Variants in LAMA1 observed in about 807,000 individuals in gnomAD.
The protein encoded by LAMA1 is laminin subunit alpha-1.
Under a neutral mutation model 348.7 loss-of-function variants are expected in LAMA1, and 219 were observed. The observed-to-expected ratio is 0.63, with a 90% CI of 0.56 to 0.70. The LOEUF (loss-of-function observed/expected upper bound fraction) is 0.70. LAMA1 is among the 30% of genes least tolerant of loss of function. The probability of loss-of-function intolerance (pLI) is 0.00; values close to 1 mark genes in which losing one functional copy is unlikely to be tolerated. For synonymous variants in LAMA1, 1,487 were observed against 1,491.0 expected, an observed-to-expected ratio of 1.00 and a Z score of 0.06; for missense variants, 3,744 against 3,888.0, an observed-to-expected ratio of 0.96 and a Z score of 0.99.
chr18:6,972,642 A>G (rs1421980218), intron 47 of LAMA1, among the ~76,000 whole-genome samples: 1 of 152,210 alleles, frequency 6.6e-6, no homozygotes, highest in Non-Finnish European at 1.5e-5. Flanking sequence ...AAAAGCAGAA[A>G]CATCTTCATC....
intron 55 of LAMA1, among the ~76,000 whole-genome samples, 170 bp downstream of exon 55, chr18:6,958,307 A>G (rs1458713392): frequency 1.3e-5 from 2 of 152,170 alleles, no homozygotes; most frequent in Non-Finnish European, 2.9e-5. Context: ...TTCTAATCCA[A>G]TAAAATCCAT....
At chr18:7,014,420 A>G (rs925359993) in intron 22 of LAMA1, among the ~76,000 whole-genome samples, 1 of 152,188 alleles carries the variant, frequency 6.6e-6, no homozygotes, top group African/African-American at 2.4e-5. Flanking sequence ...CAGGAGTTTG[A>G]GACCAGCCTG....
intron 61 of LAMA1, among the ~76,000 whole-genome samples, chr18:6,944,818 A>G (rs2057514975): frequency 2.0e-5 from 3 of 152,176 alleles, no homozygotes; most frequent in Non-Finnish European, 2.9e-5. Flanking sequence ...GACAGGAGGA[A>G]AGAATTTCAA....
intron 44 of LAMA1, among the ~76,000 whole-genome samples, chr18:6,977,473 A>G (rs752488055): frequency 3.9e-5 from 6 of 152,258 alleles, no homozygotes; most frequent in East Asian, 1.9e-4. Context: ...ATAAATCTCC[A>G]TAAAGACATG....
rs777363600 is a variant in LAMA1, at chr18:6,958,535, G to A, written c.7906C>T (p.Leu2636=). The A allele has an allele frequency of 2.0e-5, 33 of 1,614,078 alleles. No individual in the cohort carries two copies. The highest frequency in any genetic ancestry group is 1.6e-4 in the Middle Eastern group (1 of 6,084). The stretch of plus-strand genomic sequence containing the variant: ...TGGAACGATCTTCTCATTGTGAGCA[G>A]TGACGTCCCCTCTCCCTCTGGAATT... ...GGIPEGEGTS[L]LTMRRSFHGC... is the part of the protein sequence containing the mutation. Residue 2636 remains leucine, a synonymous_variant, in exon 55 of 63, where the codon CTG becomes TTG. Coordinates refer to ENST00000389658, the MANE Select transcript of LAMA1 (RefSeq NM_005559.4).
chr18:7,044,983 AT>A, intron 6 of LAMA1, 144 bp from the exon 7 acceptor site: 1 of 734,926 alleles, frequency 1.4e-6, no homozygotes, highest in Admixed American at 1.9e-5. Flanking sequence ...GCAAACTGGC[AT>A]TTAATTTTTA....
intron 36 of LAMA1, among the ~76,000 whole-genome samples, 172 bp from the exon 37 acceptor site, chr18:6,986,519 T>C (rs1412043210): frequency 1.3e-5 from 2 of 150,998 alleles, no homozygotes; most frequent in Non-Finnish European, 2.9e-5. Flanking sequence ...TAGCTACAGG[T>C]ATGGCAGGTT....
intron 3 of LAMA1, among the ~76,000 whole-genome samples, chr18:7,079,129 T>C (rs968414311): frequency 6.6e-6 from 1 of 152,256 alleles, no homozygotes; most frequent in African/African-American, 2.4e-5. Flanking sequence ...ACTTGTGTCT[T>C]TTAACCGATC....
intron 1 of LAMA1, 78 bp from the exon 2 acceptor site, chr18:7,080,535 T>C: frequency 6.9e-7 from 1 of 1,455,224 alleles, no homozygotes; most frequent in Non-Finnish European, 9.5e-7. Flanking sequence ...ACTTGGTAGG[T>C]GAATCAAAAG....
At chr18:7,090,723 G>A (rs910015117) in intron 1 of LAMA1, among the ~76,000 whole-genome samples, 14 of 151,440 alleles carry the variant, frequency 9.2e-5, no homozygotes, top group African/African-American at 2.9e-4. Context: ...AGGAAGGGAG[G>A]GAGAGAGGGA....
At chr18:7,010,418 G>A (rs771498080) in intron 25 of LAMA1, 33 bp from the exon 26 acceptor site, 1 of 1,597,250 alleles carries the variant, frequency 6.3e-7, no homozygotes, top group Non-Finnish European at 8.6e-7. Flanking sequence ...TTACTTCTCT[G>A]ACAAAGCTTT....
At chr18:7,033,980 C>T (rs1252534253) in intron 14 of LAMA1, among the ~76,000 whole-genome samples, 1 of 152,176 alleles carries the variant, frequency 6.6e-6, no homozygotes, top group African/African-American at 2.4e-5. Context: ...ATGCAATCCA[C>T]CTGCCTCGGC....
intron 53 of LAMA1, chr18:6,960,530 A>C (rs1181298651): frequency 2.0e-5 from 3 of 151,666 alleles, no homozygotes; most frequent in Non-Finnish European, 4.4e-5. Flanking sequence ...GGGAGTGACT[A>C]ATTAATGGCA....
intron 32 of LAMA1, among the ~76,000 whole-genome samples, chr18:6,998,330 A>G (rs545288290): frequency 6.6e-5 from 10 of 152,306 alleles, no homozygotes; most frequent in Admixed American, 5.2e-4. Context: ...AAGCCAGGGA[A>G]GCAAAGGCAA....
chr18:7,017,511 T>C, intron 19 of LAMA1, 127 bp from the exon 20 acceptor site: 1 of 740,428 alleles, frequency 1.4e-6, no homozygotes, highest in East Asian at 2.7e-5. Flanking sequence ...CTAAAAATAA[T>C]ATTATTGGCA....
Position 7,016,516 on chromosome 18 carries a change from G to A in LAMA1, c.2964C>T (p.Tyr988=), listed in dbSNP as rs200877901. 5.6e-5 allele frequency: 91 copies of A among 1,614,214 alleles called. No homozygotes were observed. In the East Asian group the frequency reaches 9.4e-4, roughly 17 times the overall value. ...KRCDRCAHGF[Y]AYQDGSCTPC... ...GTGTACAGCTACCATCCTGGTAGGC[G>A]TAGAAGCCATGGGCACACCTGTCAC... is the stretch of plus-strand genomic sequence containing the variant. The change falls in exon 21 of 63, where the codon TAC becomes TAT. Residue 988 remains tyrosine (Y), a synonymous_variant. Coordinates refer to ENST00000389658, the MANE Select transcript of LAMA1 (RefSeq NM_005559.4).
chr18:6,945,958 G>C (rs533413099), intron 61 of LAMA1, among the ~76,000 whole-genome samples: 21 of 152,026 alleles, frequency 1.4e-4, no homozygotes, highest in Admixed American at 2.0e-4. Flanking sequence ...AGCCCCAAAG[G>C]GGAGAGGAAG....
intron 6 of LAMA1, 94 bp from the exon 7 acceptor site, chr18:7,044,933 G>A: frequency 2.2e-6 from 2 of 929,428 alleles, no homozygotes; most frequent in Non-Finnish European, 3.5e-6. Context: ...CAAATATGTG[G>A]CAAGAACCTC....
chr18:7,034,041 G>C (rs1346298778), intron 14 of LAMA1, among the ~76,000 whole-genome samples: 2 of 152,132 alleles, frequency 1.3e-5, no homozygotes, highest in Non-Finnish European at 2.9e-5. Context: ...CAGCCTAGCT[G>C]CATACAACTT....
Sources: gnomAD v4.1 joint callset for allele counts (sites outside exome capture counted in the v4.1 genomes callset) on GRCh38, gnomAD v4.1.1 for gene constraint, MANE v1.5 for transcripts, NCBI Gene and HGNC (gene_info 2026-07-23, HGNC 2026-07-21) for gene names.